Variants in PSPH observed in about 807,000 individuals in gnomAD.
PSPH encodes the protein phosphoserine phosphatase, also known as L-3-phosphoserine phosphatase.
PSPH carries 16 observed loss-of-function variants against 23.4 expected under a neutral mutation model. That is an observed-to-expected ratio of 0.68 (90% CI 0.46 to 1.04). PSPH has a LOEUF of 1.04. Among genes scored for constraint, PSPH ranks in the 50% least tolerant of loss-of-function variants. PSPH has a pLI of 0.00. For synonymous variants in PSPH, 68 were observed against 99.7 expected, an observed-to-expected ratio of 0.68 and a Z score of 1.89; for missense variants, 223 against 273.7, an observed-to-expected ratio of 0.81 and a Z score of 1.31.
chr7:56,047,597 T>G (rs181379715), intron 1 of PSPH, among the ~76,000 whole-genome samples: 1 of 151,954 alleles, frequency 6.6e-6, no homozygotes, highest in African/African-American at 2.4e-5. Context: ...TGACATCATG[T>G]GACTCTTCCT....
chr7:56,045,229 G>A (rs1188650407), intron 1 of PSPH, among the ~76,000 whole-genome samples: 1 of 152,134 alleles, frequency 6.6e-6, no homozygotes, highest in Non-Finnish European at 1.5e-5. Flanking sequence ...AATTGGCCAG[G>A]TGCAGTGGCT....
At chr7:56,017,975 G>A (rs2116588658) in intron 5 of PSPH, among the ~76,000 whole-genome samples, 1 of 151,518 alleles carries the variant, frequency 6.6e-6, no homozygotes, top group Non-Finnish European at 1.5e-5. Context: ...TGCCTGTCTT[G>A]GCCTCCCAAA....
At chr7:56,015,195 G>C (rs370823647) in intron 6 of PSPH, 24 bp from the exon 7 acceptor site, 1 of 1,612,606 alleles carries the variant, frequency 6.2e-7, no homozygotes, top group African/African-American at 1.3e-5. Flanking sequence ...TAAAAATAGG[G>C]TTAAAGACCC....
At chr7:56,036,695 C>T (rs4275190) in intron 1 of PSPH, among the ~76,000 whole-genome samples, 103,167 of 151,936 alleles carry the variant, frequency 0.68, 35,207 homozygotes, top group Non-Finnish European at 0.7. Context: ...CCACCTCATA[C>T]TCACACCTAT....
chr7:56,013,139 GTA>G (rs950277003), intron 7 of PSPH, among the ~76,000 whole-genome samples: 4 of 98,974 alleles, frequency 4.0e-5, no homozygotes, highest in African/African-American at 1.4e-4. Context: ...ATATATATAC[GTA>G]TATGTGTATG....
chr7:56,043,685 A>C (rs1792855630), intron 1 of PSPH, among the ~76,000 whole-genome samples: 2 of 147,060 alleles, frequency 1.4e-5, no homozygotes, highest in African/African-American at 5.0e-5. Flanking sequence ...ACAATAAAAC[A>C]AAAAAAATTC....
chr7:56,025,559 AC>A (rs1192229200), intron 3 of PSPH, among the ~76,000 whole-genome samples: 1 of 150,936 alleles, frequency 6.6e-6, no homozygotes, highest in Non-Finnish European at 1.5e-5. Context: ...GCGCCTGGTG[AC>A]ACACACAATT....
rs577053518 is a variant in PSPH, at chr7:56,012,642, C to T, written c.571-773G>A. 6.6e-5 allele frequency among the ~76,000 whole-genome samples: 10 copies of T among 151,274 alleles called. 1 individual carries two copies. Among genetic ancestry groups the T allele is most frequent in the African/African-American group, 1.9e-4 (8 of 41,402 alleles). On this transcript the variant is annotated intron_variant, in intron 7 of 7. Transcript: ENST00000275605. The stretch of plus-strand genomic sequence containing the variant: ...AGCTAACAGTAAAAAGACTCAAAGG[C>T]GGCTGGGTGTGGTAGCTCATGCCTG...
intron 5 of PSPH, among the ~76,000 whole-genome samples, chr7:56,018,422 C>T (rs1788879163): frequency 6.6e-6 from 1 of 152,020 alleles, no homozygotes; most frequent in Admixed American, 6.6e-5. Flanking sequence ...CTACTCTGCC[C>T]ATGGACCCAG....
At chr7:56,048,832 T>G (rs1357794203) in intron 1 of PSPH, among the ~76,000 whole-genome samples, 1 of 149,676 alleles carries the variant, frequency 6.7e-6, no homozygotes, top group East Asian at 2.0e-4. Context: ...CAGGGATATA[T>G]GTGCAGAATG....
intron 4 of PSPH, among the ~76,000 whole-genome samples, chr7:56,020,381 C>T (rs1031826886): frequency 1.3e-5 from 2 of 152,166 alleles, no homozygotes; most frequent in African/African-American, 4.8e-5. Flanking sequence ...AATCCCAGCA[C>T]TTTGGTAGCC....
intron 1 of PSPH, among the ~76,000 whole-genome samples, chr7:56,050,545 C>T (rs752293072): frequency 2.2e-4 from 34 of 152,144 alleles, no homozygotes; most frequent in Non-Finnish European, 3.8e-4. Context: ...GGATTACAGG[C>T]GTGAGCCACC....
intron 1 of PSPH, among the ~76,000 whole-genome samples, chr7:56,036,982 T>C (rs1800877491): frequency 6.6e-6 from 1 of 152,134 alleles, no homozygotes; most frequent in Admixed American, 6.6e-5. Flanking sequence ...GAGACCAGCC[T>C]GGCCAACATG....
chr7:56,045,244 C>A (rs938471270), intron 1 of PSPH, among the ~76,000 whole-genome samples: 1 of 152,108 alleles, frequency 6.6e-6, no homozygotes, highest in African/African-American at 2.4e-5. Flanking sequence ...GTGGCTCACT[C>A]CTGTAATCCT....
At chr7:56,014,916 C>T in intron 7 of PSPH, 107 bp downstream of exon 7, 1 of 1,234,030 alleles carries the variant, frequency 8.1e-7, no homozygotes, top group Non-Finnish European at 1.1e-6. Flanking sequence ...GCACTCCAAC[C>T]TGGGCAACAA....
In PSPH at chr7:56,039,770, G is replaced by T. The variant is rs1315272613; in HGVS notation, c.-291-5664C>A. Among the ~76,000 whole-genome samples, 109 of 101,922 alleles carry T rather than the reference G, an allele frequency of 1.1e-3. 1 individual carries two copies. The highest frequency in any genetic ancestry group is 4.2e-3 in the African/African-American group (106 of 25,306). 66.9% of individuals were successfully genotyped at this position (101,922 alleles called of 152,430 possible). ...CACCCTGGTGACAGAGAAAGACTCT[G>T]TCTCAAAAAAAAAAAAAAAAAAATT... On this transcript the variant is annotated intron_variant, in intron 1 of 7. Coordinates refer to ENST00000275605, the MANE Select transcript of PSPH (RefSeq NM_004577.4).
At chr7:56,028,759 C>T (rs113613064) in intron 3 of PSPH, among the ~76,000 whole-genome samples, 6 of 152,120 alleles carry the variant, frequency 3.9e-5, no homozygotes, top group African/African-American at 1.4e-4. Context: ...TAGCTCTTCC[C>T]ATCCTGCTCT....
chr7:56,044,254 A>G (rs1792939197), intron 1 of PSPH, among the ~76,000 whole-genome samples: 1 of 152,022 alleles, frequency 6.6e-6, no homozygotes, highest in Non-Finnish European at 1.5e-5. Flanking sequence ...GCATGGGAAT[A>G]TTTTTCTTGA....
At chr7:56,020,995 G>A in intron 4 of PSPH, 78 bp downstream of exon 4, 1 of 1,519,968 alleles carries the variant, frequency 6.6e-7, no homozygotes, top group Non-Finnish European at 8.9e-7. Flanking sequence ...CCATAGCCAG[G>A]GTCTAGCACT....
Sources: allele counts gnomAD v4.1 joint callset (sites outside exome capture counted in the v4.1 genomes callset), GRCh38; gene constraint gnomAD v4.1.1; transcripts MANE v1.5; gene names NCBI Gene and HGNC (gene_info 2026-07-23, HGNC 2026-07-21).